Variants in KHDRBS3 observed in about 807,000 individuals in gnomAD.
The protein encoded by KHDRBS3 is KH domain-containing, RNA-binding, signal transduction-associated protein 3.
Under a neutral mutation model 45.6 loss-of-function variants are expected in KHDRBS3, and 23 were observed. The observed-to-expected ratio is 0.50, with a 90% CI of 0.36 to 0.72. The LOEUF is 0.72. Ranked by LOEUF, KHDRBS3 falls within the 30% of genes least tolerant of loss-of-function variation. The pLI is 0.00. For synonymous variants in KHDRBS3, 162 were observed against 156.5 expected (o/e 1.04, Z -0.26); for missense variants, 352 against 424.8 (o/e 0.83, Z 1.51).
intron 1 of KHDRBS3, 78 bp downstream of exon 1, chr8:135,458,032 C>G (rs1168131998): frequency 1.4e-6 from 2 of 1,474,692 alleles, no homozygotes; most frequent in East Asian, 2.7e-5. Context: ...GGGGCCCCTC[C>G]GTGCCCTCTG....
chr8:135,529,818 T>C (rs1825377369), intron 2 of KHDRBS3, among the ~76,000 whole-genome samples: 3 of 152,076 alleles, frequency 2.0e-5, no homozygotes, highest in Admixed American at 2.0e-4. Context: ...CCCAGCACTT[T>C]GGGAGGCTGA....
intron 1 of KHDRBS3, among the ~76,000 whole-genome samples, chr8:135,498,537 C>G (rs1279366851): frequency 6.6e-6 from 1 of 152,180 alleles, no homozygotes. Context: ...AATTGTCTCC[C>G]TAATGGCTTC....
intron 6 of KHDRBS3, among the ~76,000 whole-genome samples, chr8:135,595,395 A>G (rs1037040041): frequency 6.6e-6 from 1 of 152,240 alleles, no homozygotes; most frequent in African/African-American, 2.4e-5. Context: ...AAGTTTAAAA[A>G]TATGACCAAT....
chr8:135,568,548 G>T (rs1312867559), intron 5 of KHDRBS3, among the ~76,000 whole-genome samples: 1 of 152,152 alleles, frequency 6.6e-6, no homozygotes, highest in Non-Finnish European at 1.5e-5. Flanking sequence ...ATTATAAAAG[G>T]CTGCCAGGGA....
In KHDRBS3 at chr8:135,605,719, G is replaced by GA. The variant is rs1378535448; in HGVS notation, c.808-1229dup. 2.0e-5 allele frequency among the ~76,000 whole-genome samples: 3 copies of GA among 151,898 alleles called. No individual in the cohort carries two copies. In the East Asian group the frequency reaches 5.8e-4, roughly 29 times the overall value. ...CTATGAATACTGTATTTTTTTAGTT[G>GA]AAAAAAATCTGCAGTAAGTGAACCC... On this transcript the variant is annotated intron_variant, in intron 6 of 8. Coordinates refer to ENST00000355849, the MANE Select transcript of KHDRBS3 (RefSeq NM_006558.3).
At chr8:135,575,414 C>T (rs1827905999) in intron 5 of KHDRBS3, among the ~76,000 whole-genome samples, 1 of 152,210 alleles carries the variant, frequency 6.6e-6, no homozygotes, top group African/African-American at 2.4e-5. Flanking sequence ...TCCCCAGCTC[C>T]ACAGAGCTTA....
intron 5 of KHDRBS3, among the ~76,000 whole-genome samples, chr8:135,559,214 C>A (rs1040422204): frequency 3.3e-5 from 5 of 151,864 alleles, no homozygotes; most frequent in African/African-American, 1.2e-4. Context: ...CTAGAAATTT[C>A]TTTTTCTAGA....
intron 4 of KHDRBS3, among the ~76,000 whole-genome samples, chr8:135,550,410 T>G (rs530537143): frequency 6.6e-6 from 1 of 152,340 alleles, no homozygotes; most frequent in Admixed American, 6.5e-5. Flanking sequence ...TTTGTATATT[T>G]GAGGTTAGTC....
intron 7 of KHDRBS3, among the ~76,000 whole-genome samples, 171 bp from the exon 8 acceptor site, chr8:135,644,888 T>G (rs1461288339): frequency 6.6e-6 from 1 of 152,034 alleles, no homozygotes; most frequent in Non-Finnish European, 1.5e-5. Flanking sequence ...CCTTTGATAA[T>G]CCCAAAGTTG....
chr8:135,596,427 A>G (rs920407608), intron 6 of KHDRBS3, among the ~76,000 whole-genome samples: 2 of 152,218 alleles, frequency 1.3e-5, no homozygotes, highest in Non-Finnish European at 2.9e-5. Context: ...CAGAGAAGCT[A>G]TACTTCCAGA....
intron 7 of KHDRBS3, among the ~76,000 whole-genome samples, chr8:135,608,778 A>C (rs1229946741): frequency 3.3e-5 from 5 of 152,232 alleles, no homozygotes; most frequent in African/African-American, 4.8e-5. Flanking sequence ...ACACACCTAC[A>C]TGATACAGCC....
intron 4 of KHDRBS3, among the ~76,000 whole-genome samples, chr8:135,652,881 C>T (rs990226607): frequency 1.3e-5 from 2 of 152,094 alleles, no homozygotes; most frequent in Non-Finnish European, 2.9e-5. Context: ...ATGAACAAGT[C>T]GTTGGATGTA....
At chr8:135,625,707 G>C (rs1830327903) in intron 7 of KHDRBS3, 4 of 787,200 alleles carry the variant, frequency 5.1e-6, no homozygotes, top group Non-Finnish European at 6.8e-6. Flanking sequence ...TTTGTCCACA[G>C]GAATTATTTT....
chr8:135,513,115 G>T (rs969002723), intron 1 of KHDRBS3, among the ~76,000 whole-genome samples: 1 of 152,054 alleles, frequency 6.6e-6, no homozygotes, highest in Admixed American at 6.5e-5. Context: ...CAGGAGAATG[G>T]CATGAACCCG....
chr8:135,580,751 T>G (rs894499883), intron 5 of KHDRBS3, among the ~76,000 whole-genome samples: 2 of 152,088 alleles, frequency 1.3e-5, no homozygotes, highest in Non-Finnish European at 2.9e-5. Flanking sequence ...TAGCTGGGAC[T>G]ATAGGCACAC....
At chr8:135,546,011 G>C (rs538134657) in intron 3 of KHDRBS3, among the ~76,000 whole-genome samples, 1 of 152,014 alleles carries the variant, frequency 6.6e-6, no homozygotes, top group Non-Finnish European at 1.5e-5. Context: ...GGTGGTGCAC[G>C]TCTGTAATCC....
At chr8:135,503,464 C>A (rs1304697217) in intron 1 of KHDRBS3, among the ~76,000 whole-genome samples, 2 of 152,162 alleles carry the variant, frequency 1.3e-5, no homozygotes, top group Non-Finnish European at 2.9e-5. Context: ...CTGTAACTTA[C>A]ATCTGAGGAT....
rs1029081747 is a variant in KHDRBS3, at chr8:135,485,868, A to T, written c.88+27914A>T. 3.0e-4 allele frequency among the ~76,000 whole-genome samples: 43 copies of T among 141,216 alleles called. 1 individual carries two copies. The highest frequency in any genetic ancestry group is 4.9e-4 in the Non-Finnish European group (32 of 64,788). 92.6% of individuals were successfully genotyped at this position (141,216 alleles called of 152,430 possible). A position where few individuals can be genotyped will look rare whatever the true frequency, so the allele number is the denominator to read the frequency against. ...TATATATATATATATATATATATAT[A>T]TTTTATTTTTCTAGAGCCTCAAAAT... On this transcript the variant is annotated intron_variant, in intron 1 of 8. Transcript: ENST00000355849.
chr8:135,612,232 C>T (rs1018692161), intron 7 of KHDRBS3, among the ~76,000 whole-genome samples: 2 of 151,742 alleles, frequency 1.3e-5, no homozygotes, highest in African/African-American at 4.9e-5. Context: ...GGGACTCATT[C>T]CTGTTTATAT....
Sources: allele counts gnomAD v4.1 joint callset (sites outside exome capture counted in the v4.1 genomes callset), GRCh38; gene constraint gnomAD v4.1.1; transcripts MANE v1.5; gene names NCBI Gene and HGNC (gene_info 2026-07-23, HGNC 2026-07-21).